CSMD1: variants seen among roughly 807,000 people sequenced by gnomAD.
CSMD1 encodes CUB and sushi domain-containing protein 1.
CSMD1 carries 213 observed loss-of-function variants against 417.5 expected under a neutral mutation model. The ratio of observed to expected loss-of-function variants is 0.51; its 90% CI spans 0.46 to 0.57. The LOEUF (loss-of-function observed/expected upper bound fraction) is 0.57, where lower values mean the gene tolerates loss of function less well. CSMD1 is among the 20% of genes least tolerant of loss of function. The probability of loss-of-function intolerance (pLI) is 0.00; values close to 1 mark genes in which losing one functional copy is unlikely to be tolerated. For missense variants in CSMD1, 6,923 were observed against 4,529.7 expected, an observed-to-expected ratio of 1.53 and a Z score of -15.17; for synonymous variants, 2,862 against 1,736.8, an observed-to-expected ratio of 1.65 and a Z score of -16.11.
intron 42 of CSMD1, chr8:3,113,482 T>G (rs577468713): frequency 6.6e-6 from 1 of 152,222 alleles, no homozygotes; most frequent in African/African-American, 2.4e-5. Flanking sequence ...GAAAGCTACA[T>G]ATTTTGATCC....
intron 26 of CSMD1, among the ~76,000 whole-genome samples, chr8:3,271,041 T>G (rs1347965058): frequency 6.6e-6 from 1 of 151,900 alleles, no homozygotes; most frequent in Non-Finnish European, 1.5e-5. Flanking sequence ...ACTTGTCATC[T>G]AGCAATAGGT....
At chr8:3,275,231 T>G (rs946078708) in intron 26 of CSMD1, among the ~76,000 whole-genome samples, 1 of 152,206 alleles carries the variant, frequency 6.6e-6, no homozygotes, top group Non-Finnish European at 1.5e-5. Flanking sequence ...GAAAATTCTT[T>G]TCTTTAAGAA....
At chr8:4,974,432 A>C (rs1334747994) in intron 1 of CSMD1, among the ~76,000 whole-genome samples, 38 of 152,092 alleles carry the variant, frequency 2.5e-4, no homozygotes, top group Admixed American at 2.5e-3. Flanking sequence ...ATATATTTAA[A>C]TTTTTGACAG....
At chr8:4,333,581 A>G (rs151075482) in intron 3 of CSMD1, among the ~76,000 whole-genome samples, 320 of 152,270 alleles carry the variant, frequency 2.1e-3, no homozygotes, top group African/African-American at 7.4e-3. Context: ...TGCGTTAGTT[A>G]TTATTACTCT....
At chr8:4,896,896 A>G (rs1016037062) in intron 1 of CSMD1, among the ~76,000 whole-genome samples, 3 of 152,090 alleles carry the variant, frequency 2.0e-5, no homozygotes, top group Non-Finnish European at 4.4e-5. Flanking sequence ...AAGTAACAGT[A>G]TCTTGGGCTC....
intron 3 of CSMD1, among the ~76,000 whole-genome samples, chr8:4,305,755 C>T (rs1398704465): frequency 2.0e-5 from 3 of 152,176 alleles, no homozygotes; most frequent in Non-Finnish European, 4.4e-5. Context: ...GTAGACACTA[C>T]TGATCTGTAT....
chr8:2,989,979 G>T (rs1050852915), intron 54 of CSMD1, among the ~76,000 whole-genome samples: 4 of 152,176 alleles, frequency 2.6e-5, no homozygotes, highest in Non-Finnish European at 5.9e-5. Flanking sequence ...AACAAATGTG[G>T]CATTGCATGG....
At chr8:3,182,617 TG>T (rs1821419968) in intron 36 of CSMD1, among the ~76,000 whole-genome samples, 7 of 61,536 alleles carry the variant, frequency 1.1e-4, no homozygotes, top group African/African-American at 2.7e-4. Context: ...TGTGTGTGTG[TG>T]TGTGTGTGTG....
intron 2 of CSMD1, among the ~76,000 whole-genome samples, chr8:4,520,526 G>C (rs943357230): frequency 2.6e-5 from 4 of 152,120 alleles, no homozygotes; most frequent in Non-Finnish European, 5.9e-5. Flanking sequence ...ATCCCGATAG[G>C]TGTCTTAGAA....
At chr8:3,771,097 C>A (rs1798546227) in intron 5 of CSMD1, among the ~76,000 whole-genome samples, 1 of 151,920 alleles carries the variant, frequency 6.6e-6, no homozygotes, top group South Asian at 2.1e-4. Flanking sequence ...ATTGTATTCT[C>A]AGGATCTTGA....
chr8:3,779,321 T>C (rs2129062117), intron 5 of CSMD1, among the ~76,000 whole-genome samples: 1 of 152,160 alleles, frequency 6.6e-6, no homozygotes, highest in East Asian at 1.9e-4. Flanking sequence ...TTTTTAGAGA[T>C]TTCATAATTT....
At chr8:3,871,866 G>C (rs1805502830) in intron 5 of CSMD1, among the ~76,000 whole-genome samples, 1 of 152,144 alleles carries the variant, frequency 6.6e-6, no homozygotes, top group African/African-American at 2.4e-5. Context: ...ACTCCCTTCT[G>C]AAAGAAAATA....
At chr8:3,716,601 C>A (rs1051265847) in intron 6 of CSMD1, among the ~76,000 whole-genome samples, 1 of 152,164 alleles carries the variant, frequency 6.6e-6, no homozygotes, top group African/African-American at 2.4e-5. Context: ...TTACTGCAAC[C>A]TATTTCATCA....
intron 23 of CSMD1, among the ~76,000 whole-genome samples, chr8:3,335,145 C>G (rs764898377): frequency 6.6e-6 from 1 of 152,128 alleles, no homozygotes; most frequent in Admixed American, 6.5e-5. Flanking sequence ...ACATCCTACA[C>G]CACTATGTTT....
chr8:4,282,148 A>G (rs1244525268), intron 3 of CSMD1, among the ~76,000 whole-genome samples: 2 of 152,240 alleles, frequency 1.3e-5, no homozygotes, highest in African/African-American at 2.4e-5. Context: ...AATATTGCTC[A>G]AATACGATTT....
chr8:4,757,132 G>A (rs1239311206), intron 1 of CSMD1, among the ~76,000 whole-genome samples: 1 of 152,244 alleles, frequency 6.6e-6, no homozygotes, highest in Non-Finnish European at 1.5e-5. Context: ...CATTAGTACT[G>A]AGAATAGATG....
chr8:4,491,869 G>C (rs62479712), intron 2 of CSMD1, among the ~76,000 whole-genome samples: 10,872 of 152,150 alleles, frequency 0.071, 499 homozygotes, highest in South Asian at 0.1. Flanking sequence ...GTCCTCTTTG[G>C]TCTTTATGTA....
intron 37 of CSMD1, among the ~76,000 whole-genome samples, chr8:3,175,499 GCCTGCCTGCCTTTTTTCCTTCCTTCCTT>G (rs1214726353): frequency 1.6e-3 from 147 of 94,602 alleles, no homozygotes; most frequent in Non-Finnish European, 2.5e-3. Context: ...CTGCCTGCCT[GCCTGCCTGCCTTTTTTCCTTCCTTCCTT>G]CCTTCCTTCT....
intron 2 of CSMD1, among the ~76,000 whole-genome samples, chr8:4,487,746 TCTAA>T (rs1801490302): frequency 1.3e-5 from 2 of 152,218 alleles, no homozygotes; most frequent in African/African-American, 4.8e-5. Flanking sequence ...GTGTACTCAG[TCTAA>T]CTGCCTTAAT....
Sources: gnomAD v4.1 joint callset for allele counts (sites outside exome capture counted in the v4.1 genomes callset) on GRCh38, gnomAD v4.1.1 for gene constraint, MANE v1.5 for transcripts, NCBI Gene and HGNC (gene_info 2026-07-23, HGNC 2026-07-21) for gene names.